Variants in TBC1D5 observed in about 807,000 individuals in gnomAD.
TBC1D5 encodes TBC1 domain family member 5, also known as TBC1 domain family, member 5.
Under a neutral mutation model 100.3 loss-of-function variants are expected in TBC1D5, and 75 were observed. That is an observed-to-expected ratio of 0.75 (90% CI 0.62 to 0.91). TBC1D5 has a LOEUF of 0.91. Ranked by LOEUF, TBC1D5 falls within the 40% of genes least tolerant of loss-of-function variation. TBC1D5 has a pLI of 0.00. For synonymous variants in TBC1D5, 323 were observed against 325.6 expected, an observed-to-expected ratio of 0.99 and a Z score of 0.09; for missense variants, 910 against 942.4, an observed-to-expected ratio of 0.97 and a Z score of 0.45.
chr3:17,210,807 AT>A (rs1396549354), intron 18 of TBC1D5, among the ~76,000 whole-genome samples: 3 of 151,896 alleles, frequency 2.0e-5, no homozygotes, highest in African/African-American at 7.3e-5. Flanking sequence ...TGAAACTCCT[AT>A]TTTAAAAAAT....
chr3:17,339,155 A>C (rs1037824641), intron 13 of TBC1D5, among the ~76,000 whole-genome samples: 4 of 152,248 alleles, frequency 2.6e-5, no homozygotes, highest in African/African-American at 4.8e-5. Flanking sequence ...AAAGACAAGC[A>C]ATGCCTATGC....
At chr3:17,353,658 G>A (rs921209699) in intron 13 of TBC1D5, among the ~76,000 whole-genome samples, 2 of 151,914 alleles carry the variant, frequency 1.3e-5, no homozygotes, top group African/African-American at 2.4e-5. Flanking sequence ...AAAAGGTTAA[G>A]ATTCTCATCC....
At chr3:17,277,850 CTCTGGG>C (rs2149821308) in intron 15 of TBC1D5, among the ~76,000 whole-genome samples, 1 of 152,332 alleles carries the variant, frequency 6.6e-6, no homozygotes, top group African/African-American at 2.4e-5. Flanking sequence ...TTCTGGATGA[CTCTGGG>C]TATCTCACTG....
intron 2 of TBC1D5, among the ~76,000 whole-genome samples, chr3:17,545,277 ATTTG>A (rs2153432859): frequency 6.6e-6 from 1 of 152,252 alleles, no homozygotes; most frequent in East Asian, 1.9e-4. Context: ...AAATGGGGAG[ATTTG>A]GACTTGCACA....
At chr3:17,711,948 C>T (rs1336890147) in intron 1 of TBC1D5, among the ~76,000 whole-genome samples, 1 of 152,178 alleles carries the variant, frequency 6.6e-6, no homozygotes. Flanking sequence ...TACTTTATTA[C>T]AAAGACAAGT....
chr3:17,525,199 G>A (rs1019227161), intron 2 of TBC1D5, among the ~76,000 whole-genome samples: 24 of 152,000 alleles, frequency 1.6e-4, no homozygotes, highest in East Asian at 5.8e-4. Context: ...ACGCGATCTC[G>A]GCTCACTGCA....
At chr3:17,407,875 A>G (rs2093815090) in intron 4 of TBC1D5, among the ~76,000 whole-genome samples, 1 of 152,160 alleles carries the variant, frequency 6.6e-6, no homozygotes, top group African/African-American at 2.4e-5. Context: ...CCACTCCACA[A>G]AAATTTCTTA....
chr3:17,298,124 T>C (rs2082451269), intron 14 of TBC1D5, among the ~76,000 whole-genome samples: 1 of 152,226 alleles, frequency 6.6e-6, no homozygotes, highest in Non-Finnish European at 1.5e-5. Flanking sequence ...GAATTAGTTA[T>C]ATCTGAAAAT....
At chr3:17,178,766 AGTAGATGGGAC>A (rs1355401895) in intron 19 of TBC1D5, among the ~76,000 whole-genome samples, 1 of 152,088 alleles carries the variant, frequency 6.6e-6, no homozygotes, top group Non-Finnish European at 1.5e-5. Flanking sequence ...CAGCTTCCTG[AGTAGATGGGAC>A]TACAGACATA....
intron 1 of TBC1D5, among the ~76,000 whole-genome samples, chr3:17,693,613 G>C (rs2071521845): frequency 6.6e-6 from 1 of 152,200 alleles, no homozygotes; most frequent in African/African-American, 2.4e-5. Context: ...CTGCAGCTCA[G>C]CACACCCTGC....
chr3:17,185,484 T>C (rs1037824706), intron 18 of TBC1D5, among the ~76,000 whole-genome samples: 4 of 152,232 alleles, frequency 2.6e-5, no homozygotes, highest in African/African-American at 9.6e-5. Flanking sequence ...CAATCTTGCA[T>C]TGCAAATATT....
chr3:17,188,084 G>C (rs1239399551), intron 18 of TBC1D5, among the ~76,000 whole-genome samples: 2 of 152,188 alleles, frequency 1.3e-5, no homozygotes, highest in East Asian at 3.8e-4. Context: ...GTGAGGTGTT[G>C]AACAGCTGGT....
chr3:17,494,226 C>T (rs909522878), intron 3 of TBC1D5, among the ~76,000 whole-genome samples: 4 of 152,144 alleles, frequency 2.6e-5, no homozygotes, highest in African/African-American at 9.7e-5. Context: ...ACCCCCCAAC[C>T]CGGCACCTGT....
At chr3:17,307,057 A>G (rs921413693) in intron 14 of TBC1D5, among the ~76,000 whole-genome samples, 6 of 152,340 alleles carry the variant, frequency 3.9e-5, no homozygotes, top group East Asian at 1.9e-4. Context: ...GGAAATTAAA[A>G]AAGTATAATC....
At chr3:17,391,574 A>G (rs1430134484) in intron 8 of TBC1D5, among the ~76,000 whole-genome samples, 1 of 152,042 alleles carries the variant, frequency 6.6e-6, no homozygotes, top group African/African-American at 2.4e-5. Flanking sequence ...AAAAAAAAAA[A>G]TACCTAAAAT....
At chr3:17,160,902 T>TCG in exon 22 of TBC1D5, 2 of 1,553,336 alleles carry the variant, frequency 1.3e-6, no homozygotes, top group African/African-American at 2.7e-5. Context: ...TGAGCCTCAG[T>TCG]CTGGCCTTGG....
intron 8 of TBC1D5, among the ~76,000 whole-genome samples, chr3:17,393,955 A>G (rs1303135573): frequency 1.3e-5 from 2 of 152,204 alleles, no homozygotes; most frequent in African/African-American, 2.4e-5. Flanking sequence ...AATGGCAACA[A>G]AAGCCAAAAC....
intron 16 of TBC1D5, among the ~76,000 whole-genome samples, chr3:17,249,662 A>C (rs2077024508): frequency 6.6e-6 from 1 of 152,210 alleles, no homozygotes. Flanking sequence ...GAGCCAATTA[A>C]ACATCTTTTC....
chr3:17,218,822 T>C (rs1466962348), intron 17 of TBC1D5, among the ~76,000 whole-genome samples: 2 of 152,030 alleles, frequency 1.3e-5, no homozygotes, highest in African/African-American at 4.8e-5. Context: ...CTTCTATTGC[T>C]GCTTTCAATA....
Sources: allele counts gnomAD v4.1 joint callset (sites outside exome capture counted in the v4.1 genomes callset), GRCh38; gene constraint gnomAD v4.1.1; transcripts MANE v1.5; gene names NCBI Gene and HGNC (gene_info 2026-07-23, HGNC 2026-07-21).